Variants in FLYWCH1 observed in about 807,000 individuals in gnomAD.
The protein encoded by FLYWCH1 is FLYWCH-type zinc finger-containing protein 1.
FLYWCH1 carries 75 observed loss-of-function variants against 66.4 expected under a neutral mutation model. The ratio of observed to expected loss-of-function variants is 1.13; its 90% CI spans 0.94 to 1.37. The LOEUF (loss-of-function observed/expected upper bound fraction) is 1.37. Ranked by LOEUF, FLYWCH1 falls within the 40% of genes most tolerant of loss-of-function variation. The pLI is 0.00. For synonymous variants in FLYWCH1, 595 were observed against 429.9 expected (o/e 1.38, Z -4.75); for missense variants, 1,334 against 1,001.8 (o/e 1.33, Z -4.48).
chr16:2,938,531 G>GCC, intron 8 of FLYWCH1, 75 bp downstream of exon 8: 1 of 1,407,570 alleles, frequency 7.1e-7, no homozygotes, highest in Non-Finnish European at 9.3e-7. Context: ...GATGCCCCAG[G>GCC]CCAGGCACCC....
rs755044144 is a variant in FLYWCH1 at position 2,930,776 on chromosome 16, C to A, written c.692C>A (p.Thr231Asn). ...PWQCPEEPEP[T>N]PGLVLSKPAL... ...CAGTGCCCTGAGGAGCCCGAGCCCA[C>A]TCCTGGGCTGGTGCTGAGCAAGCCG... The change falls in exon 4 of 10, where the codon ACT (threonine) becomes AAT (asparagine). Residue 231 changes from threonine (T) to asparagine (N), a missense_variant. Transcript: ENST00000253928. 2.5e-5 allele frequency: 40 copies of A among 1,587,292 alleles called. No individual in the cohort carries two copies. Among genetic ancestry groups the A allele is most frequent in the Non-Finnish European group, 5.1e-6 (6 of 1,171,924 alleles).
chr16:2,948,852 G>A lies in FLYWCH1; in HGVS notation c.*125G>A. ...TTTTCATTCTTCCAAAGCATCGATG[G>A]TCTTCGCGTCTCCTCAGGAGGTCTC... On this transcript the variant is annotated 3_prime_UTR_variant, in exon 10 of 10. Transcript: ENST00000253928. 1 of 798,634 alleles carries A rather than the reference G, an allele frequency of 1.3e-6. No homozygotes were observed. The highest frequency in any genetic ancestry group is 2.1e-6 in the Non-Finnish European group (1 of 478,438). The allele number at this position is 798,634 out of a possible 1,614,324, so 49.5% of individuals were successfully genotyped here.
intron 7 of FLYWCH1, 103 bp downstream of exon 7, chr16:2,937,487 TG>T: frequency 1.5e-6 from 2 of 1,327,376 alleles, no homozygotes; most frequent in Non-Finnish European, 2.0e-6. Flanking sequence ...TTGTGCATGG[TG>T]GTCTGACAGC....
intron 8 of FLYWCH1, 55 bp downstream of exon 8, chr16:2,938,511 G>C (rs2071117415): frequency 4.8e-6 from 7 of 1,467,960 alleles, no homozygotes; most frequent in Non-Finnish European, 5.4e-6. Flanking sequence ...ATCTCTTCCA[G>C]CTCAGAACTG....
chr16:2,933,382 C>A lies in FLYWCH1; in HGVS notation c.1049C>A (p.Thr350Lys). The change falls in exon 5 of 10, where the codon ACG becomes AAG. Residue 350 changes from threonine to lysine, a missense_variant. Transcript: ENST00000253928. ...CGGCAGCAGGAGAAGGCCGTGGAGA[C>A]GCTGCAGGCTGGGCAGGACGGCCCT... ...ARRQQEKAVETLQAGQDGPGS... is the reference protein window; with the variant it reads ...ARRQQEKAVEKLQAGQDGPGS... 6.2e-7 allele frequency: 1 copy of A among 1,602,808 alleles called. No homozygotes were observed. Among genetic ancestry groups the A allele is most frequent in the Non-Finnish European group, 8.5e-7 (1 of 1,175,400 alleles).
chr16:2,914,857 C>T (rs959508862), intron 2 of FLYWCH1, among the ~76,000 whole-genome samples: 70 of 144,792 alleles, frequency 4.8e-4, no homozygotes, highest in Admixed American at 2.4e-3. Flanking sequence ...TGCAGTGAGA[C>T]AGGATCGAGC....
At chr16:2,937,080 G>C (rs974296907) in intron 6 of FLYWCH1, 41 bp from the exon 7 acceptor site, 1 of 1,555,308 alleles carries the variant, frequency 6.4e-7, no homozygotes. Context: ...TGGGCTCTGA[G>C]AGCTGGTGTC....
intron 7 of FLYWCH1, among the ~76,000 whole-genome samples, chr16:2,937,894 A>G (rs1001660933): frequency 1.3e-5 from 2 of 152,022 alleles, no homozygotes; most frequent in African/African-American, 4.8e-5. Context: ...GCCCTGGGGG[A>G]TGCACCTGCA....
intron 2 of FLYWCH1, among the ~76,000 whole-genome samples, chr16:2,916,586 G>C (rs1388249897): frequency 6.6e-6 from 1 of 151,880 alleles, no homozygotes; most frequent in Non-Finnish European, 1.5e-5. Context: ...GCAGAGAGCC[G>C]AGATCGCACC....
chr16:2,937,210 A>T lies in FLYWCH1; in HGVS notation c.1603A>T (p.Lys535Ter). 1 of 1,523,654 alleles carries T rather than the reference A, an allele frequency of 6.6e-7. No individual in the cohort carries two copies. The highest frequency in any genetic ancestry group is 1.2e-5 in the South Asian group (1 of 84,912). The allele number at this position is 1,523,654 out of a possible 1,614,324, so 94.4% of individuals were successfully genotyped here. A position where few individuals can be genotyped will look rare whatever the true frequency, so the allele number is the denominator to read the frequency against. Residue 535 changes from lysine (K) to a stop codon, truncating the protein, a stop_gained, in exon 7 of 10, where the codon AAG becomes TAG. Transcript: ENST00000253928. LOFTEE classifies it high-confidence loss of function. ...LYRREKAAGEKVYWTCRDQAR... is the reference protein window; with the variant it reads ...LYRREKAAGE ...CCGGCGGGAGAAGGCGGCCGGGGAG[A>T]AGGTGTATTGGACCTGCCGGGACCA... is the stretch of plus-strand genomic sequence containing the variant.
rs191623414 is a variant in FLYWCH1 at position 2,923,755 on chromosome 16, C to T, written c.-73-5858C>T. ...ATTCCATCTATTAAAAAGCCAGAAT[C>T]GGCCCGGCGTAGTGGCTCACACCTG... On this transcript the variant is annotated intron_variant, in intron 2 of 9. Coordinates refer to ENST00000253928, the MANE Select transcript of FLYWCH1 (RefSeq NM_001308068.2). 4.5e-3 allele frequency among the ~76,000 whole-genome samples: 684 copies of T among 152,132 alleles called. 4 individuals carry two copies. Among genetic ancestry groups the T allele is most frequent in the Non-Finnish European group, 8.2e-3 (555 of 67,992 alleles).
intron 2 of FLYWCH1, among the ~76,000 whole-genome samples, chr16:2,927,261 A>G (rs4785919): frequency 0.66 from 101,157 of 152,122 alleles, 33,966 homozygotes; most frequent in South Asian, 0.84. Flanking sequence ...ACTGCACGCG[A>G]TCATTGATGA....
At position 2,914,254 on chromosome 16, in the gene FLYWCH1, G is replaced by C. The variant is rs936547785; in HGVS notation, c.-109G>C. On this transcript the variant is annotated 5_prime_UTR_variant, in exon 2 of 10. Transcript: ENST00000253928. Reference sequence around the variant, plus strand: ...AAGCCAGCGCCGTGACCCAGGTGTGGGGGATGATGGTGACGCTTCTCACTC... The same window carrying C: ...AAGCCAGCGCCGTGACCCAGGTGTGCGGGATGATGGTGACGCTTCTCACTC... The C allele has an allele frequency of 6.6e-6, 1 of 152,278 alleles. No homozygotes were observed. The highest frequency in any genetic ancestry group is 1.5e-5 in the Non-Finnish European group (1 of 68,074). 9.4% of individuals were successfully genotyped at this position (152,278 alleles called of 1,614,324 possible). A position where few individuals can be genotyped will look rare whatever the true frequency, so the allele number is the denominator to read the frequency against.
At chr16:2,937,072 G>GCCTCT (rs777203657) in intron 6 of FLYWCH1, 49 bp from the exon 7 acceptor site, 2 of 1,263,044 alleles carry the variant, frequency 1.6e-6, no homozygotes, top group Non-Finnish European at 2.1e-6. Context: ...TGCTGATCTG[G>GCCTCT]GCTCTGAGAG....
chr16:2,923,067 A>G, intron 2 of FLYWCH1: 1 of 410,826 alleles, frequency 2.4e-6, no homozygotes, highest in Admixed American at 3.2e-5. Context: ...TGTTGTGCGG[A>G]TCTATTTTTT....
At position 2,940,065 on chromosome 16, in the gene FLYWCH1, G is replaced by C; in HGVS notation, c.2084G>C (p.Cys695Ser). Residue 695 changes from cysteine (C) to serine (S), a missense_variant, in exon 9 of 10, where the codon TGT (cysteine) becomes TCT (serine). By Grantham distance (112) the Cys-to-Ser change is moderately radical (BLOSUM62 -1). Transcript: ENST00000253928. ...CAAGTTCAGCTGTGCTTCAAGACGT[G>C]TTCTCCTGAAAGCCAGCAGATTTAT... ...KIQVQLCFKTCSPESQQIYGD... is the reference protein window; with the variant it reads ...KIQVQLCFKTSSPESQQIYGD... 6.5e-7 allele frequency: 1 copy of C among 1,529,280 alleles called. No homozygotes were observed. The highest frequency in any genetic ancestry group is 9.1e-7 in the Non-Finnish European group (1 of 1,103,484). The allele number at this position is 1,529,280 out of a possible 1,614,324, so 94.7% of individuals were successfully genotyped here. A position where few individuals can be genotyped will look rare whatever the true frequency, so the allele number is the denominator to read the frequency against.
intron 2 of FLYWCH1, among the ~76,000 whole-genome samples, chr16:2,926,422 G>A (rs567368235): frequency 6.6e-6 from 1 of 152,202 alleles, no homozygotes; most frequent in Non-Finnish European, 1.5e-5. Context: ...GTAATAGATT[G>A]TGAAGAAGAC....
intron 4 of FLYWCH1, among the ~76,000 whole-genome samples, chr16:2,932,819 C>G (rs535354560): frequency 6.6e-6 from 1 of 151,724 alleles, no homozygotes; most frequent in East Asian, 1.9e-4. Flanking sequence ...TTGAGCAGGC[C>G]TGAGCTGGGG....
At position 2,949,426 on chromosome 16, in the gene FLYWCH1, C is replaced by T. The variant is rs964984068; in HGVS notation, c.*699C>T. 2.6e-5 allele frequency: 4 copies of T among 152,388 alleles called. No homozygotes were observed. Among genetic ancestry groups the T allele is most frequent in the African/African-American group, 9.7e-5 (4 of 41,442 alleles). The allele number at this position is 152,388 out of a possible 1,614,324, so 9.4% of individuals were successfully genotyped here. A position where few individuals can be genotyped will look rare whatever the true frequency, so the allele number is the denominator to read the frequency against. Reference sequence around the variant, plus strand: ...CCGAGATGGGAGCCAGTCCAGGGGTCAGCAGGAGCCAGCGCTGGGCACACG... The same window carrying T: ...CCGAGATGGGAGCCAGTCCAGGGGTTAGCAGGAGCCAGCGCTGGGCACACG... On this transcript the variant is annotated 3_prime_UTR_variant, in exon 10 of 10. Transcript: ENST00000253928.
Sources: gnomAD v4.1 joint callset for allele counts (sites outside exome capture counted in the v4.1 genomes callset) on GRCh38, gnomAD v4.1.1 for gene constraint, MANE v1.5 for transcripts, NCBI Gene and HGNC (gene_info 2026-07-23, HGNC 2026-07-21) for gene names.